LAMA5: variants seen among roughly 807,000 people sequenced by gnomAD.
LAMA5 encodes laminin subunit alpha 5, also known as laminin subunit alpha-5.
LAMA5 carries 260 observed loss-of-function variants against 433.4 expected under a neutral mutation model. The ratio of observed to expected loss-of-function variants is 0.60; its 90% CI spans 0.54 to 0.66. LAMA5 has a LOEUF of 0.66. LAMA5 is among the 30% of genes least tolerant of loss of function. The probability of loss-of-function intolerance (pLI) is 0.00; values close to 1 mark genes in which losing one functional copy is unlikely to be tolerated. For missense variants in LAMA5, 5,378 were observed against 5,258.5 expected, an observed-to-expected ratio of 1.02 and a Z score of -0.70; for synonymous variants, 2,620 against 2,226.6, an observed-to-expected ratio of 1.18 and a Z score of -4.97.
In LAMA5 at chr20:62,337,665, T is replaced by C. The variant is rs750395630; in HGVS notation, c.2089A>G (p.Ser697Gly). Reference sequence around the variant, plus strand: ...AGCCCCGTCACACGGGGCCGGCAGCTGCACTGCCCACTCCGGGGGTCACAG... The same window carrying C: ...AGCCCCGTCACACGGGGCCGGCAGCCGCACTGCCCACTCCGGGGGTCACAG... ...AACDPRSGQCSCRPRVTGLRC... is the reference protein window; with the variant it reads ...AACDPRSGQCGCRPRVTGLRC... Residue 697 changes from serine to glycine, a missense_variant, in exon 16 of 80, where the codon AGC becomes GGC. By Grantham distance (56) the Ser-to-Gly change is moderately conservative. Coordinates refer to ENST00000252999, the MANE Select transcript of LAMA5 (RefSeq NM_005560.6). 15 of 1,612,168 alleles carry C rather than the reference T, an allele frequency of 9.3e-6. No individual in the cohort carries two copies. Among genetic ancestry groups the C allele is most frequent in the Non-Finnish European group, 8.5e-7 (1 of 1,179,742 alleles).
In LAMA5 at chr20:62,313,660, T is replaced by A. The variant is rs777692447; in HGVS notation, c.8647A>T (p.Ser2883Cys). Residue 2883 changes from serine to cysteine, a missense_variant, in exon 63 of 80, where the codon AGT (serine) becomes TGT (cysteine). Physicochemically the swap from Ser to Cys is moderately radical, Grantham distance 112. Transcript: ENST00000252999. Reference sequence around the variant, plus strand: ...CCGGGCGGGCTCACCGTGAAGGTACTGGGGTACCCCCCGACGTAGAAGACG... The same window carrying A: ...CCGGGCGGGCTCACCGTGAAGGTACAGGGGTACCCCCCGACGTAGAAGACG... The part of the protein sequence containing the change: ...DFVFYVGGYP[S>C]TFTPPPLLRF... The A allele has an allele frequency of 3.7e-6, 6 of 1,612,724 alleles. No homozygotes were observed.
chr20:62,336,710 A>G, intron 17 of LAMA5, 24 bp downstream of exon 17: 2 of 1,612,548 alleles, frequency 1.2e-6, no homozygotes, highest in Middle Eastern at 1.6e-4. Flanking sequence ...CCCATCTCCC[A>G]CACACGAGCA....
At chr20:62,326,514 T>C in intron 40 of LAMA5, 163 bp downstream of exon 40, 1 of 600,874 alleles carries the variant, frequency 1.7e-6, no homozygotes. Flanking sequence ...ACAGAAGATA[T>C]CTGACAATGG....
At position 62,309,446 on chromosome 20, in the gene LAMA5, C is replaced by A; in HGVS notation, c.10978G>T (p.Ala3660Ser). Reference protein sequence around the residue: ...EPMAVQPWPPAYCGCMRRLAV... With the variant: ...EPMAVQPWPPSYCGCMRRLAV... ...AGCCTCCTCATGCAGCCGCAGTAGGCGGGGGGCCAGGGCTGCACGGCCATG... is the reference window on the plus strand; with the variant it reads ...AGCCTCCTCATGCAGCCGCAGTAGGAGGGGGGCCAGGGCTGCACGGCCATG... The change falls in exon 80 of 80, where the codon GCC becomes TCC. Residue 3660 changes from alanine to serine, a missense_variant. Transcript: ENST00000252999. The A allele has an allele frequency of 6.4e-7, 1 of 1,571,030 alleles. No homozygotes were observed. Among genetic ancestry groups the A allele is most frequent in the South Asian group, 1.1e-5 (1 of 87,582 alleles).
intron 48 of LAMA5, among the ~76,000 whole-genome samples, chr20:62,321,636 TGCAGC>T (rs1302042571): frequency 2.6e-5 from 1 of 38,082 alleles, no homozygotes. Context: ...GCGGAGGAGG[TGCAGC>T]CAGTGGAAGA....
intron 16 of LAMA5, 146 bp downstream of exon 16, chr20:62,337,444 G>A: frequency 9.0e-7 from 1 of 1,108,384 alleles, no homozygotes; most frequent in Non-Finnish European, 1.3e-6. Flanking sequence ...TGTGAACAAG[G>A]TGCGAACACA....
chr20:62,355,592 G>A (rs1229396848), intron 2 of LAMA5: 1 of 152,262 alleles, frequency 6.6e-6, no homozygotes, highest in Non-Finnish European at 1.5e-5. Context: ...CCGGGGTTGG[G>A]GCGGGGCACA....
rs762492177 is a variant in LAMA5, at chr20:62,313,103, G to A, written c.8940C>T (p.Phe2980=). The stretch of plus-strand genomic sequence containing the variant: ...CCTGGCGCACCTGCTGCTTCAGGAA[G>A]AAGAGCACCCCGCTGTAGGACACGA... ...LRLVSYSGVL[F]FLKQQSQFLC... Residue 2980 remains phenylalanine (F), a synonymous_variant, in exon 65 of 80, where the codon TTC becomes TTT. Coordinates refer to ENST00000252999, the MANE Select transcript of LAMA5 (RefSeq NM_005560.6). The A allele has an allele frequency of 6.2e-7, 1 of 1,609,738 alleles. No individual in the cohort carries two copies. The highest frequency in any genetic ancestry group is 8.5e-7 in the Non-Finnish European group (1 of 1,179,682).
At chr20:62,353,094 C>T (rs768094632) in intron 3 of LAMA5, 40 bp downstream of exon 3, 6 of 1,451,520 alleles carry the variant, frequency 4.1e-6, no homozygotes, top group Non-Finnish European at 5.7e-6. Flanking sequence ...CAGGGACCCC[C>T]CTGCCTCTCC....
chr20:62,337,170 G>A lies in LAMA5; in HGVS notation c.2165-384C>T, dbSNP rs1261794666. Among the ~76,000 whole-genome samples, 5 of 92,344 alleles carry A rather than the reference G, an allele frequency of 5.4e-5. No homozygotes were observed. In the East Asian group the frequency reaches 8.9e-4, roughly 16 times the overall value. The allele number at this position is 92,344 out of a possible 152,430, so 60.6% of individuals were successfully genotyped here. A position where few individuals can be genotyped will look rare whatever the true frequency, so the allele number is the denominator to read the frequency against. On this transcript the variant is annotated intron_variant, in intron 16 of 79. Coordinates refer to ENST00000252999, the MANE Select transcript of LAMA5 (RefSeq NM_005560.6). ...ACACGCACACCCACACTTGAGACACGCGATACGCGCACCCACTTATGCGAT... is the reference window on the plus strand; with the variant it reads ...ACACGCACACCCACACTTGAGACACACGATACGCGCACCCACTTATGCGAT...
chr20:62,327,554 C>T lies in LAMA5; in HGVS notation c.4913G>A (p.Arg1638Gln), dbSNP rs556874357. Residue 1638 changes from arginine to glutamine, a missense_variant, in exon 37 of 80, where the codon CGG (arginine) becomes CAG (glutamine). Physicochemically the swap from Arg to Gln is conservative, Grantham distance 43. Transcript: ENST00000252999. ...CTCCTGGCGGGTGTAGGACGAGCTC[C>T]GGCAGCGCTCCGTGGCCCCAAAGCA... ...CFCFGATERC[R>Q]SSSYTRQEFV... 8.1e-5 allele frequency: 131 copies of T among 1,612,862 alleles called. 1 individual carries two copies. The highest frequency in any genetic ancestry group is 1.4e-4 in the South Asian group (13 of 91,082).
intron 35 of LAMA5, 55 bp from the exon 36 acceptor site, chr20:62,328,065 T>C: frequency 1.1e-5 from 18 of 1,603,928 alleles, no homozygotes; most frequent in Non-Finnish European, 1.4e-5. Context: ...CACACCAAAG[T>C]GAGACCTCGT....
chr20:62,336,298 C>T (rs747623928), intron 18 of LAMA5, 42 bp downstream of exon 18: 2 of 1,413,158 alleles, frequency 1.4e-6, no homozygotes, highest in South Asian at 1.3e-5. Context: ...GGCACAGTTC[C>T]CCAAGGAACC....
At chr20:62,316,169 G>C in intron 57 of LAMA5, 111 bp from the exon 58 acceptor site, 1 of 711,314 alleles carries the variant, frequency 1.4e-6, no homozygotes, top group East Asian at 2.7e-5. Context: ...ACAGCAGACA[G>C]ATGGACAGGG....
intron 11 of LAMA5, among the ~76,000 whole-genome samples, chr20:62,341,826 C>CAAAAAA (rs11466846): frequency 1.0e-3 from 132 of 128,018 alleles, no homozygotes; most frequent in African/African-American, 3.7e-3. Flanking sequence ...TCTGATCAAC[C>CAAAAAA]AAAAAAAAAA....
intron 11 of LAMA5, among the ~76,000 whole-genome samples, chr20:62,343,483 T>C (rs1982900429): frequency 6.6e-6 from 1 of 151,922 alleles, no homozygotes; most frequent in Non-Finnish European, 1.5e-5. Flanking sequence ...TTATAAGAAA[T>C]AGGTGATACA....
At chr20:62,330,418 A>G in intron 31 of LAMA5, 70 bp downstream of exon 31, 1 of 1,462,280 alleles carries the variant, frequency 6.8e-7, no homozygotes, top group Non-Finnish European at 9.1e-7. Context: ...AGCACAGGCC[A>G]CGCTGTGGCG....
Position 62,362,393 on chromosome 20 carries a change from T to C in LAMA5, c.450+7A>G. The C allele has an allele frequency of 6.6e-7, 1 of 1,510,106 alleles. No individual in the cohort carries two copies. 93.5% of individuals were successfully genotyped at this position (1,510,106 alleles called of 1,614,324 possible). A position where few individuals can be genotyped will look rare whatever the true frequency, so the allele number is the denominator to read the frequency against. On this transcript the variant is annotated splice_region_variant and intron_variant, in intron 2 of 79. Transcript: ENST00000252999. ...GGGGGCTGCAGCACGCAAAGAAGGGTCCCTACCTGGCCCAGGTCCAGGGTG... is the reference window on the plus strand; with the variant it reads ...GGGGGCTGCAGCACGCAAAGAAGGGCCCCTACCTGGCCCAGGTCCAGGGTG...
chr20:62,331,843 G>A (rs1422187582), intron 28 of LAMA5, among the ~76,000 whole-genome samples: 1 of 152,206 alleles, frequency 6.6e-6, no homozygotes, highest in East Asian at 1.9e-4. Flanking sequence ...CCTGAGGTCA[G>A]GAGTTTGAGA....
Sources: allele counts gnomAD v4.1 joint callset (sites outside exome capture counted in the v4.1 genomes callset), GRCh38; gene constraint gnomAD v4.1.1; transcripts MANE v1.5; gene names NCBI Gene and HGNC (gene_info 2026-07-23, HGNC 2026-07-21).